Variants in COL4A6 observed in about 807,000 individuals in gnomAD.
COL4A6 encodes the protein collagen alpha-6(IV) chain.
Under a neutral mutation model 126.7 loss-of-function variants are expected in COL4A6, and 59 were observed. The observed-to-expected ratio is 0.47, with a 90% confidence interval of 0.38 to 0.58. COL4A6 has a LOEUF of 0.58. COL4A6 is among the 20% of genes least tolerant of loss of function. The pLI, the probability that COL4A6 is intolerant of heterozygous loss-of-function variation, is 0.00. For missense variants in COL4A6, 1,285 were observed against 1,337.3 expected (o/e 0.96, Z 0.61); for synonymous variants, 547 against 496.6 (o/e 1.10, Z -1.35).
At chrX:108,437,849 A>ACTCT (rs2064295876) in intron 2 of COL4A6, 93 bp downstream of exon 2, 10 of 1,017,940 alleles carry the variant, frequency 9.8e-6, no homozygotes, top group Admixed American at 9.2e-5. Flanking sequence ...TCGTGGTGAA[A>ACTCT]CTCTCTGCAA....
intron 2 of COL4A6, among the ~76,000 whole-genome samples, chrX:108,336,726 A>G (rs955409804): frequency 9.0e-6 from 1 of 111,324 alleles, no homozygotes; most frequent in African/African-American, 3.3e-5. Context: ...ATGCCTAACT[A>G]TGGGTTTTGC....
At chrX:108,350,261 AAT>A in intron 2 of COL4A6, among the ~76,000 whole-genome samples, 1 of 112,022 alleles carries the variant, frequency 8.9e-6, no homozygotes, top group South Asian at 3.7e-4. Context: ...AATTAGCCTA[AAT>A]CAGGAATAAT....
chrX:108,386,053 CT>C (rs949409414), intron 2 of COL4A6, among the ~76,000 whole-genome samples: 29 of 110,739 alleles, frequency 2.6e-4, no homozygotes, highest in South Asian at 3.9e-4. Flanking sequence ...TGAACTCATG[CT>C]TTTTTTATGG....
chrX:108,365,038 T>C (rs922864507), intron 2 of COL4A6, among the ~76,000 whole-genome samples: 3 of 111,229 alleles, frequency 2.7e-5, no homozygotes, highest in South Asian at 3.9e-4. Flanking sequence ...ATGTATTTAG[T>C]GTGTATGTGC....
At chrX:108,387,436 T>C (rs2040726286) in intron 2 of COL4A6, among the ~76,000 whole-genome samples, 1 of 111,894 alleles carries the variant, frequency 8.9e-6, no homozygotes, top group Admixed American at 9.5e-5. Context: ...TTCATATCCC[T>C]TTTAAGTTGG....
At chrX:108,221,141 G>A (rs756725029) in intron 4 of COL4A6, 99 bp downstream of exon 4, 1 of 1,109,536 alleles carries the variant, frequency 9.0e-7, no homozygotes, top group Non-Finnish European at 1.2e-6. Flanking sequence ...AAACTACTCA[G>A]GAATGACATC....
chrX:108,405,481 G>A (rs1158433215), intron 2 of COL4A6, among the ~76,000 whole-genome samples: 1 of 111,250 alleles, frequency 9.0e-6, no homozygotes, highest in African/African-American at 3.3e-5. Flanking sequence ...CACTGTGCCC[G>A]GCCAGAAATT....
intron 2 of COL4A6, among the ~76,000 whole-genome samples, chrX:108,360,538 T>A (rs1349831511): frequency 2.9e-5 from 3 of 104,306 alleles, no homozygotes; most frequent in African/African-American, 1.1e-4. Flanking sequence ...TTTAACCTTT[T>A]TTTTTTTTTT....
rs779143630 is a variant in COL4A6, at chrX:108,190,440, G to A, written c.1378C>T (p.Arg460Ter). ...TTTCCTTTTGGACCTTGTTCTCCTC[G>A]GAGACCAGGGAACCCTGACTCTTTG... ...HNKESGFPGL[R>*]GEQGPKGNLG... Residue 460 changes from arginine (R) to a stop codon, truncating the protein, a stop_gained, in exon 20 of 45, where the codon CGA (arginine) becomes TGA (stop). Transcript: ENST00000334504. LOFTEE classifies it high-confidence loss of function. 5.0e-6 allele frequency: 6 copies of A among 1,207,163 alleles called. No homozygotes were observed. Among genetic ancestry groups the A allele is most frequent in the Admixed American group, 2.2e-5 (1 of 45,836 alleles).
intron 3 of COL4A6, among the ~76,000 whole-genome samples, chrX:108,259,299 A>G (rs909493793): frequency 7.2e-5 from 8 of 111,664 alleles, no homozygotes; most frequent in South Asian, 3.7e-4. Context: ...AGTCTAACTT[A>G]TGGGAAAATC....
chrX:108,184,935 C>A (rs1403280414), intron 23 of COL4A6, among the ~76,000 whole-genome samples: 2 of 112,198 alleles, frequency 1.8e-5, no homozygotes, highest in Non-Finnish European at 3.8e-5. Context: ...GTTATTATAA[C>A]TCAGTTTAAA....
intron 3 of COL4A6, among the ~76,000 whole-genome samples, chrX:108,257,871 C>T (rs374930226): frequency 1.8e-5 from 2 of 111,090 alleles, no homozygotes; most frequent in African/African-American, 6.6e-5. Flanking sequence ...AAGAGTAACG[C>T]GTGGGTAATG....
intron 2 of COL4A6, among the ~76,000 whole-genome samples, chrX:108,380,379 G>A (rs999353020): frequency 8.9e-6 from 1 of 112,221 alleles, no homozygotes; most frequent in African/African-American, 3.2e-5. Context: ...CAGGGCTGGA[G>A]GAATAGGTCA....
At chrX:108,261,324 T>TA (rs2037154691) in intron 3 of COL4A6, among the ~76,000 whole-genome samples, 1 of 111,899 alleles carries the variant, frequency 8.9e-6, no homozygotes, top group Non-Finnish European at 1.9e-5. Context: ...TATTGGATGT[T>TA]ACTGCCCTAG....
intron 37 of COL4A6, among the ~76,000 whole-genome samples, chrX:108,167,655 G>A (rs1365929363): frequency 2.7e-5 from 3 of 111,414 alleles, no homozygotes; most frequent in African/African-American, 9.8e-5. Context: ...TGTTTTCTTA[G>A]GAGTAAATCA....
chrX:108,425,221 GAGAC>G lies in COL4A6; in HGVS notation c.63+12717_63+12720del, dbSNP rs773063350. Among the ~76,000 whole-genome samples, 744 of 107,783 alleles carry G rather than the reference GAGAC, an allele frequency of 6.9e-3. 6 individuals are homozygous for G. Among genetic ancestry groups the G allele is most frequent in the South Asian group, 0.011 (26 of 2,374 alleles). 93.6% of individuals were successfully genotyped at this position (107,783 alleles called of 115,157 possible). A position where few individuals can be genotyped will look rare whatever the true frequency, so the allele number is the denominator to read the frequency against. On this transcript the variant is annotated intron_variant, in intron 2 of 44. Transcript: ENST00000334504. The stretch of plus-strand genomic sequence containing the variant: ...TGTGTGTGAGAGAGAGAGAGACAGA[GAGAC>G]AGAGAGACAGAGAGGAGAGAGAGGA...
chrX:108,234,559 T>C (rs73636386), intron 3 of COL4A6, among the ~76,000 whole-genome samples: 4,839 of 112,092 alleles, frequency 0.043, 226 homozygotes, highest in African/African-American at 0.13. Context: ...GATTGCTGAC[T>C]ATGCCATGGT....
In COL4A6 at chrX:108,179,349, C is replaced by A. The variant is rs756543161; in HGVS notation, c.2221G>T (p.Gly741Cys). 3 of 1,209,505 alleles carry A rather than the reference C, an allele frequency of 2.5e-6. No individual in the cohort carries two copies. The highest frequency in any genetic ancestry group is 3.4e-6 in the Non-Finnish European group (3 of 895,115). Residue 741 changes from glycine (G) to cysteine (C), a missense_variant, in exon 26 of 45, where the codon GGC (glycine) becomes TGC (cysteine). Gly to Cys is a radical substitution (Grantham distance 159). Transcript: ENST00000334504. ...GTGGCTCCCTTGGAACCAGGTAAGC[C>A]TGGACTGCCAATCATCCCAGGCAAG... Reference protein sequence around the residue: ...DGLPGMIGSPGLPGSKGATGD... With the variant: ...DGLPGMIGSPCLPGSKGATGD...
At chrX:108,326,688 G>C (rs1267433542) in intron 2 of COL4A6, among the ~76,000 whole-genome samples, 1 of 112,333 alleles carries the variant, frequency 8.9e-6, no homozygotes, top group African/African-American at 3.2e-5. Flanking sequence ...GTCCAGTAGA[G>C]AAAGAATTGT....
Sources: allele counts gnomAD v4.1 joint callset (sites outside exome capture counted in the v4.1 genomes callset), GRCh38; gene constraint gnomAD v4.1.1; transcripts MANE v1.5; gene names NCBI Gene and HGNC (gene_info 2026-07-23, HGNC 2026-07-21).